The following CYRIA variants were observed in gnomAD, a reference collection of about 807,000 sequenced individuals.
CYRIA encodes the protein CYFIP related Rac1 interactor A, also known as CYFIP-related Rac1 interactor A.
CYRIA carries 15 observed loss-of-function variants against 43.9 expected under a neutral mutation model. The ratio of observed to expected loss-of-function variants is 0.34; its 90% CI spans 0.23 to 0.53. CYRIA has a LOEUF of 0.53. Among genes scored for constraint, CYRIA ranks in the 20% least tolerant of loss-of-function variants. The pLI is 0.94. For synonymous variants in CYRIA, 117 were observed against 136.0 expected (o/e 0.86, Z 0.97); for missense variants, 236 against 394.2 (o/e 0.60, Z 3.40).
Position 16,623,146 on chromosome 2 carries a change from G to C in CYRIA, c.-11+718C>G, listed in dbSNP as rs141638623. On this transcript the variant is annotated intron_variant, in intron 2 of 11. Coordinates refer to ENST00000381323, the MANE Select transcript of CYRIA (RefSeq NM_030797.4). ...GATTCCTTACACTGGGCCTGCGTAAGAGAGATGTGTTAATATACCACAATC... is the reference window on the plus strand; with the variant it reads ...GATTCCTTACACTGGGCCTGCGTAACAGAGATGTGTTAATATACCACAATC... 3.9e-5 allele frequency: 6 copies of C among 152,320 alleles called. No individual in the cohort carries two copies. The East Asian group carries it at 1.2e-3, about 29-fold the overall frequency. The allele number at this position is 152,320 out of a possible 1,614,324, so 9.4% of individuals were successfully genotyped here. A position where few individuals can be genotyped will look rare whatever the true frequency, so the allele number is the denominator to read the frequency against.
intron 3 of CYRIA, among the ~76,000 whole-genome samples, chr2:16,584,512 T>G (rs995795351): frequency 6.6e-6 from 1 of 152,162 alleles, no homozygotes; most frequent in Non-Finnish European, 1.5e-5. Flanking sequence ...TGCCTAATGT[T>G]CCCATCTGCT....
chr2:16,597,267 T>C (rs1668060770), intron 2 of CYRIA, among the ~76,000 whole-genome samples: 1 of 57,934 alleles, frequency 1.7e-5, no homozygotes, highest in Non-Finnish European at 3.0e-5. Flanking sequence ...CAGAGCTGAG[T>C]TCAATTCCTG....
intron 3 of CYRIA, 122 bp from the exon 4 acceptor site, chr2:16,565,889 T>G (rs763945193): frequency 1.2e-5 from 11 of 949,450 alleles, no homozygotes; most frequent in Middle Eastern, 4.9e-4. Context: ...TGGTATTTAC[T>G]CTTTAACCTA....
chr2:16,614,999 G>A (rs556592673), intron 2 of CYRIA, among the ~76,000 whole-genome samples: 1 of 152,326 alleles, frequency 6.6e-6, no homozygotes, highest in South Asian at 2.1e-4. Flanking sequence ...GCTCCAAACA[G>A]GAGCCAGTAG....
rs546700546 is a variant in CYRIA, at chr2:16,619,619, C to T, written c.-11+4245G>A. 1.3e-4 allele frequency among the ~76,000 whole-genome samples: 20 copies of T among 152,290 alleles called. No homozygotes were observed. The East Asian group carries it at 1.9e-3, about 15-fold the overall frequency. Reference sequence around the variant, plus strand: ...CCTTTCTACTTCTTTTCTTGGTCCCCTTACCCTATTCTGCTCACTAACACC... The same window carrying T: ...CCTTTCTACTTCTTTTCTTGGTCCCTTTACCCTATTCTGCTCACTAACACC... On this transcript the variant is annotated intron_variant, in intron 2 of 11. Coordinates refer to ENST00000381323, the MANE Select transcript of CYRIA (RefSeq NM_030797.4).
intron 3 of CYRIA, among the ~76,000 whole-genome samples, chr2:16,566,722 C>T (rs970823739): frequency 2.6e-5 from 4 of 152,158 alleles, no homozygotes; most frequent in Non-Finnish European, 5.9e-5. Flanking sequence ...ATTACCTTCC[C>T]GGAGCTAGCA....
chr2:16,663,433 G>C (rs1443483101), intron 1 of CYRIA, among the ~76,000 whole-genome samples: 1 of 152,128 alleles, frequency 6.6e-6, no homozygotes, highest in Non-Finnish European at 1.5e-5. Flanking sequence ...GAAGGGACTG[G>C]CAGGGAATGG....
At chr2:16,631,656 G>A (rs574664570) in intron 1 of CYRIA, among the ~76,000 whole-genome samples, 2 of 152,282 alleles carry the variant, frequency 1.3e-5, no homozygotes, top group African/African-American at 4.8e-5. Flanking sequence ...GGTCATTAGG[G>A]ATACCTAGCA....
intron 1 of CYRIA, among the ~76,000 whole-genome samples, chr2:16,651,337 A>G (rs1669971423): frequency 6.6e-6 from 1 of 152,212 alleles, no homozygotes; most frequent in Admixed American, 6.5e-5. Context: ...CATCCTAGAA[A>G]AATTAGGTAA....
intron 2 of CYRIA, among the ~76,000 whole-genome samples, chr2:16,605,701 T>C (rs943513413): frequency 1.3e-5 from 2 of 152,220 alleles, no homozygotes; most frequent in Admixed American, 6.5e-5. Flanking sequence ...CTAGAAGTTA[T>C]CTCAAATTTG....
chr2:16,620,325 G>A (rs1668952000), intron 2 of CYRIA, among the ~76,000 whole-genome samples: 2 of 152,182 alleles, frequency 1.3e-5, no homozygotes, highest in South Asian at 4.1e-4. Flanking sequence ...CCAGTTCTAA[G>A]AGAAACAAAA....
At chr2:16,563,251 T>C (rs1265291105) in intron 5 of CYRIA, among the ~76,000 whole-genome samples, 1 of 152,186 alleles carries the variant, frequency 6.6e-6, no homozygotes, top group Non-Finnish European at 1.5e-5. Flanking sequence ...AAACCCTCTC[T>C]TCTTGGAAAA....
At chr2:16,575,103 C>T (rs1447188279) in intron 3 of CYRIA, among the ~76,000 whole-genome samples, 3 of 152,156 alleles carry the variant, frequency 2.0e-5, no homozygotes, top group Non-Finnish European at 4.4e-5. Flanking sequence ...TCAGTGTGAC[C>T]TGGATGTGAG....
intron 7 of CYRIA, 44 bp from the exon 8 acceptor site, chr2:16,561,321 C>T (rs985618139): frequency 6.7e-7 from 1 of 1,497,704 alleles, no homozygotes. Context: ...AAGAGAAAGT[C>T]CAAATCCTCC....
intron 1 of CYRIA, among the ~76,000 whole-genome samples, chr2:16,625,317 C>T (rs1307008195): frequency 2.7e-5 from 4 of 150,936 alleles, no homozygotes; most frequent in African/African-American, 9.8e-5. Context: ...CAATTATCAA[C>T]GCTCCCTGGC....
chr2:16,636,670 G>A (rs1002975908), intron 1 of CYRIA, among the ~76,000 whole-genome samples: 24 of 152,062 alleles, frequency 1.6e-4, no homozygotes, highest in African/African-American at 5.3e-4. Context: ...TCAGAACTCC[G>A]GACAAGCTGG....
chr2:16,576,868 G>A lies in CYRIA; in HGVS notation c.71-11101C>T, dbSNP rs111952987. Among the ~76,000 whole-genome samples, 773 of 152,250 alleles carry A rather than the reference G, an allele frequency of 5.1e-3. 8 individuals are homozygous for A. The highest frequency in any genetic ancestry group is 0.02 in the Middle Eastern group (6 of 294). On this transcript the variant is annotated intron_variant, in intron 3 of 11. Transcript: ENST00000381323. The stretch of plus-strand genomic sequence containing the variant: ...AGGAAATCCTGCCATATGCAACAAC[G>A]TGAATGAACCTTGAGGATATTATGC...
intron 4 of CYRIA, 76 bp downstream of exon 4, chr2:16,565,570 T>C: frequency 7.2e-7 from 1 of 1,396,388 alleles, no homozygotes; most frequent in South Asian, 1.7e-5. Flanking sequence ...TTAATCTTGC[T>C]GTGTGTGTCT....
intron 1 of CYRIA, among the ~76,000 whole-genome samples, chr2:16,640,938 G>A (rs974997369): frequency 2.0e-5 from 3 of 151,998 alleles, no homozygotes; most frequent in African/African-American, 4.8e-5. Context: ...AGGGACAGCC[G>A]AGGCCACTGA....
Sources: gnomAD v4.1 joint callset for allele counts (sites outside exome capture counted in the v4.1 genomes callset) on GRCh38, gnomAD v4.1.1 for gene constraint, MANE v1.5 for transcripts, NCBI Gene and HGNC (gene_info 2026-07-23, HGNC 2026-07-21) for gene names.